The following PHEX variants were observed in gnomAD, a reference collection of about 807,000 sequenced individuals.
PHEX encodes the protein phosphate-regulating neutral endopeptidase PHEX.
PHEX carries 16 observed loss-of-function variants against 68.0 expected under a neutral mutation model. That is an observed-to-expected ratio of 0.24 (90% confidence interval 0.16 to 0.36). The LOEUF is 0.36. Among genes scored for constraint, PHEX ranks in the 10% least tolerant of loss-of-function variants. The pLI is 1.00. For synonymous variants in PHEX, 208 were observed against 205.1 expected, an observed-to-expected ratio of 1.01 and a Z score of -0.12; for missense variants, 480 against 575.5, an observed-to-expected ratio of 0.83 and a Z score of 1.70.
At chrX:22,153,593 C>A in intron 12 of PHEX, among the ~76,000 whole-genome samples, 1 of 111,147 alleles carries the variant, frequency 9.0e-6, no homozygotes, top group Non-Finnish European at 1.9e-5. Flanking sequence ...CCCCTCTTTT[C>A]CCACCCTCCC....
intron 15 of PHEX, among the ~76,000 whole-genome samples, chrX:22,192,219 A>G (rs1271168058): frequency 9.0e-6 from 1 of 111,045 alleles, no homozygotes; most frequent in Non-Finnish European, 1.9e-5. Flanking sequence ...TTGCTTGGTG[A>G]TAACATCTAA....
intron 1 of PHEX, among the ~76,000 whole-genome samples, chrX:22,033,886 C>T (rs1926903482): frequency 8.9e-6 from 1 of 111,971 alleles, no homozygotes; most frequent in African/African-American, 3.2e-5. Flanking sequence ...TAATTTTTCT[C>T]ATACAACCCA....
intron 20 of PHEX, among the ~76,000 whole-genome samples, chrX:22,227,849 G>C (rs1167136738): frequency 3.7e-5 from 4 of 108,309 alleles, no homozygotes; most frequent in Non-Finnish European, 7.7e-5. Context: ...TAGCAGCCCT[G>C]TGGTAATTCA....
At chrX:22,176,402 A>AAAT (rs1556067472) in intron 13 of PHEX, among the ~76,000 whole-genome samples, 3 of 57,845 alleles carry the variant, frequency 5.2e-5, no homozygotes, top group African/African-American at 8.8e-5. Context: ...AAAAAAAAAA[A>AAAT]ATATATATAT....
intron 15 of PHEX, among the ~76,000 whole-genome samples, chrX:22,195,609 A>T (rs1569424247): frequency 9.1e-6 from 1 of 109,488 alleles, no homozygotes; most frequent in Non-Finnish European, 1.9e-5. Context: ...AAAAAAAAAG[A>T]GATTTTATTA....
chrX:22,138,316 C>T (rs766916752), intron 12 of PHEX, among the ~76,000 whole-genome samples: 2 of 112,879 alleles, frequency 1.8e-5, no homozygotes, highest in Admixed American at 9.3e-5. Flanking sequence ...ACACCAACAG[C>T]ATGCCAGGTG....
intron 20 of PHEX, among the ~76,000 whole-genome samples, chrX:22,237,677 T>C (rs1936028933): frequency 8.9e-6 from 1 of 112,314 alleles, no homozygotes; most frequent in Admixed American, 9.4e-5. Context: ...ACTTCAGAAA[T>C]CTGACACTGT....
At chrX:22,076,029 A>G (rs980339891) in intron 3 of PHEX, among the ~76,000 whole-genome samples, 1 of 112,357 alleles carries the variant, frequency 8.9e-6, no homozygotes, top group African/African-American at 3.2e-5. Context: ...TTGGTCCAGG[A>G]ACAAGGGACA....
intron 11 of PHEX, among the ~76,000 whole-genome samples, chrX:22,132,862 T>A (rs1932070695): frequency 9.2e-6 from 1 of 108,182 alleles, no homozygotes; most frequent in Non-Finnish European, 1.9e-5. Context: ...ATTATTCTCA[T>A]GGAAAGAAAT....
intron 18 of PHEX, among the ~76,000 whole-genome samples, chrX:22,224,995 C>CATACAGCGCTGTATGGTTT (rs1569433299): frequency 6.2e-4 from 2 of 3,204 alleles, no homozygotes; most frequent in South Asian, 0.017. Flanking sequence ...CTCTGTATGT[C>CATACAGCGCTGTATGGTTT]AGAAGTCTGA....
At chrX:22,218,720 A>T (rs1473353237) in intron 16 of PHEX, among the ~76,000 whole-genome samples, 1 of 112,406 alleles carries the variant, frequency 8.9e-6, no homozygotes, top group African/African-American at 3.2e-5. Context: ...TATAGCAGAT[A>T]AAAAAATCAT....
At chrX:22,108,811 G>A (rs976715298) in intron 9 of PHEX, among the ~76,000 whole-genome samples, 20 of 109,845 alleles carry the variant, frequency 1.8e-4, no homozygotes, top group African/African-American at 6.6e-4. Context: ...TCGTGGTGGC[G>A]GGCATGTGTA....
At chrX:22,227,715 A>G in intron 20 of PHEX, 104 bp downstream of exon 20, 1 of 547,315 alleles carries the variant, frequency 1.8e-6, no homozygotes, top group Non-Finnish European at 3.3e-6. Flanking sequence ...CATGACTTTG[A>G]TTTTCAGCAA....
intron 11 of PHEX, among the ~76,000 whole-genome samples, chrX:22,115,446 G>C (rs1931193736): frequency 8.9e-6 from 1 of 112,017 alleles, no homozygotes; most frequent in Non-Finnish European, 1.9e-5. Flanking sequence ...GTGGTGGTGG[G>C]GGATGAGGAC....
At chrX:22,218,093 G>C (rs1165290790) in intron 16 of PHEX, among the ~76,000 whole-genome samples, 2 of 109,869 alleles carry the variant, frequency 1.8e-5, no homozygotes, top group African/African-American at 6.6e-5. Context: ...TCGTGGCTGG[G>C]GCATGGCAGG....
chrX:22,033,367 C>T (rs1049758323), intron 1 of PHEX, among the ~76,000 whole-genome samples: 1 of 106,352 alleles, frequency 9.4e-6, no homozygotes, highest in Admixed American at 1.0e-4. Flanking sequence ...TAAGTGGCTT[C>T]GAGTGGCTGG....
At chrX:22,221,802 T>C in intron 18 of PHEX, 59 bp downstream of exon 18, 1 of 1,022,669 alleles carries the variant, frequency 9.8e-7, no homozygotes, top group Non-Finnish European at 1.4e-6. Context: ...CATTTGGACA[T>C]TAGCTTGCTT....
chrX:22,233,972 G>A (rs1935864407), intron 20 of PHEX, among the ~76,000 whole-genome samples: 1 of 112,444 alleles, frequency 8.9e-6, no homozygotes, highest in African/African-American at 3.2e-5. Flanking sequence ...GGTCTTTGAT[G>A]TTGGTGACCT....
In PHEX at chrX:22,105,863, T is replaced by C. The variant is rs778752554; in HGVS notation, c.1080-5604T>C. 1.2e-4 allele frequency among the ~76,000 whole-genome samples: 13 copies of C among 112,266 alleles called. No individual in the cohort carries two copies. In the East Asian group the frequency reaches 3.6e-3, roughly 31 times the overall value. ...CAAAATACTTGGGATTGGAAGTGTT[T>C]CTGATTTTGGATTTATTCAGATTTT... On this transcript the variant is annotated intron_variant, in intron 9 of 21. Coordinates refer to ENST00000379374, the MANE Select transcript of PHEX (RefSeq NM_000444.6).
Sources: gnomAD v4.1 joint callset for allele counts (sites outside exome capture counted in the v4.1 genomes callset) on GRCh38, gnomAD v4.1.1 for gene constraint, MANE v1.5 for transcripts, NCBI Gene and HGNC (gene_info 2026-07-23, HGNC 2026-07-21) for gene names.